NRL: variants seen among roughly 807,000 people sequenced by gnomAD.
NRL encodes the protein neural retina leucine zipper, also known as neural retina-specific leucine zipper protein.
NRL carries 16 observed loss-of-function variants against 12.5 expected under a neutral mutation model. That is an observed-to-expected ratio of 1.28 (90% CI 0.87 to 1.95). NRL has a LOEUF of 1.95. NRL is among the 30% of genes most tolerant of loss of function. The pLI is 0.00. For missense variants in NRL, 314 were observed against 325.8 expected (o/e 0.96, Z 0.28); for synonymous variants, 142 against 150.9 (o/e 0.94, Z 0.43).
In NRL at chr14:24,081,903, C is replaced by G. The variant is rs1185005059; in HGVS notation, c.382-335G>C. On this transcript the variant is annotated intron_variant, in intron 2 of 2. Transcript: ENST00000561028. This position sits in a 1 kb window ranked among gnomAD's most constrained non-coding sequence, Gnocchi z 4.4. ...CAGGCCCGGGTGTGTCCAGTGGACC[C>G]GCACCCAGACAGCCCCCAACCCTCC... 22 of 1,307,146 alleles carry G rather than the reference C, an allele frequency of 1.7e-5. No individual in the cohort carries two copies. The highest frequency in any genetic ancestry group is 3.7e-5 in the East Asian group (1 of 26,732). 81.0% of individuals were successfully genotyped at this position (1,307,146 alleles called of 1,614,324 possible).
In NRL at chr14:24,085,079, A is replaced by G. The variant is rs2138882969; in HGVS notation, c.-27-2204T>C. Among the ~76,000 whole-genome samples the G allele has an allele frequency of 6.6e-6, 1 of 152,108 alleles. No homozygotes were observed. Among genetic ancestry groups the G allele is most frequent in the African/African-American group, 2.4e-5 (1 of 41,456 alleles). On this transcript the variant is annotated intron_variant, in intron 1 of 2. Transcript: ENST00000561028. The surrounding 1 kb of genome is among the most constrained non-coding windows in gnomAD (Gnocchi z 4.1). Reference sequence around the variant, plus strand: ...ACCGGGCCTTTTGGATCTGTTTCCTATTTTCAAGAATCCTCACATTTCTAC... The same window carrying G: ...ACCGGGCCTTTTGGATCTGTTTCCTGTTTTCAAGAATCCTCACATTTCTAC...
chr14:24,107,951 C>A (rs924388240), intron 1 of NRL, among the ~76,000 whole-genome samples: 1 of 152,196 alleles, frequency 6.6e-6, no homozygotes, highest in South Asian at 2.1e-4. Flanking sequence ...TAGTTACACA[C>A]AAACATTATG....
At chr14:24,103,006 C>G (rs771651008) in intron 1 of NRL, 239 of 1,303,750 alleles carry the variant, frequency 1.8e-4, no homozygotes, top group Non-Finnish European at 2.4e-4. Flanking sequence ...CCAGAGTTCT[C>G]CCCTGGTGAA....
chr14:24,088,685 G>T (rs567127122), intron 1 of NRL, among the ~76,000 whole-genome samples: 58 of 146,692 alleles, frequency 4.0e-4, no homozygotes, highest in African/African-American at 1.4e-3. Flanking sequence ...TAGCTCTGTC[G>T]CCCTGGCTGG....
rs1475469407 is a variant in NRL at position 24,079,927 on chromosome 14, TGA to T, written c.*1307_*1308del. On this transcript the variant is annotated 3_prime_UTR_variant, in exon 3 of 3. Coordinates refer to ENST00000561028, the MANE Select transcript of NRL (RefSeq NM_001354768.3). Reference sequence around the variant, plus strand: ...CTTCTGAGTTTGGTGGTGGTGGTGGTGAGAGGGGGAGGATCCATCTGTTCCAA... The same window carrying T: ...CTTCTGAGTTTGGTGGTGGTGGTGGTGAGGGGGAGGATCCATCTGTTCCAA... Among the ~76,000 whole-genome samples the T allele has an allele frequency of 6.6e-6, 1 of 151,908 alleles. No homozygotes were observed. The highest frequency in any genetic ancestry group is 1.5e-5 in the Non-Finnish European group (1 of 67,976).
In NRL at chr14:24,081,993, T is replaced by A. The variant is rs1011260396; in HGVS notation, c.382-425A>T. 4 of 1,208,488 alleles carry A rather than the reference T, an allele frequency of 3.3e-6. No individual in the cohort carries two copies. In the African/African-American group the frequency reaches 6.4e-5, roughly 19 times the overall value. 74.9% of individuals were successfully genotyped at this position (1,208,488 alleles called of 1,614,324 possible). A position where few individuals can be genotyped will look rare whatever the true frequency, so the allele number is the denominator to read the frequency against. On this transcript the variant is annotated intron_variant, in intron 2 of 2. Coordinates refer to ENST00000561028, the MANE Select transcript of NRL (RefSeq NM_001354768.3). The surrounding 1 kb of genome is among the most constrained non-coding windows in gnomAD (Gnocchi z 4.4). ...TGACCCTCACAGGATTTGGATTACA[T>A]CCTAATGCCCGCAACACCCCCATCT...
chr14:24,081,077 A>T lies in NRL; in HGVS notation c.*159T>A. 1 of 445,502 alleles carries T rather than the reference A, an allele frequency of 2.2e-6. No individual in the cohort carries two copies. The highest frequency in any genetic ancestry group is 3.7e-6 in the Non-Finnish European group (1 of 267,200). 27.6% of individuals were successfully genotyped at this position (445,502 alleles called of 1,614,324 possible). On this transcript the variant is annotated 3_prime_UTR_variant, in exon 3 of 3. Coordinates refer to ENST00000561028, the MANE Select transcript of NRL (RefSeq NM_001354768.3). This position sits in a 1 kb window ranked among gnomAD's most constrained non-coding sequence, Gnocchi z 4.4. ...TGACCAGCATCTAAATTCGGGCATG[A>T]CTTGAGGACCCAAAAGCTTTGGGGA...
At chr14:24,090,290 G>T (rs1220289017) in intron 1 of NRL, among the ~76,000 whole-genome samples, 2 of 131,298 alleles carry the variant, frequency 1.5e-5, no homozygotes, top group Admixed American at 7.6e-5. Context: ...GGCACGGGGG[G>T]GGACTTTCAA....
intron 1 of NRL, among the ~76,000 whole-genome samples, chr14:24,106,678 A>G (rs1175618713): frequency 1.3e-5 from 2 of 151,770 alleles, no homozygotes; most frequent in Admixed American, 1.3e-4. Context: ...CTGAGATCAC[A>G]CCACTGCACT....
intron 2 of NRL, chr14:24,082,031 AAT>A: frequency 8.3e-7 from 1 of 1,199,294 alleles, no homozygotes; most frequent in Non-Finnish European, 1.0e-6. Context: ...GTCTGTAATT[AAT>A]AGGATGAGTC....
At chr14:24,093,535 CGA>C (rs964365189) in intron 1 of NRL, 12 of 152,304 alleles carry the variant, frequency 7.9e-5, no homozygotes, top group African/African-American at 2.6e-4. Flanking sequence ...AAAAATCAGC[CGA>C]GTGTGGTGGC....
intron 1 of NRL, among the ~76,000 whole-genome samples, chr14:24,090,378 G>A (rs1384581461): frequency 1.3e-5 from 2 of 151,924 alleles, no homozygotes; most frequent in African/African-American, 4.8e-5. Flanking sequence ...AAAGAGCTCT[G>A]GGGCTGGGAT....
chr14:24,095,156 G>A (rs1429017274), intron 1 of NRL: 1 of 456,112 alleles, frequency 2.2e-6, no homozygotes. Context: ...TTGTCCCAGA[G>A]TCGGAAGTGA....
intron 1 of NRL, chr14:24,104,211 C>G (rs942568595): frequency 1.9e-6 from 1 of 517,092 alleles, no homozygotes; most frequent in African/African-American, 1.9e-5. Context: ...CTTCCAGCCC[C>G]TAGAAGAAGC....
rs925018283 is a variant in NRL, at chr14:24,094,017, G to C, written c.-27-11142C>G. 6.4e-5 allele frequency: 33 copies of C among 517,462 alleles called. No individual in the cohort carries two copies. The African/African-American group carries it at 6.7e-4, about 10-fold the overall frequency. 32.1% of individuals were successfully genotyped at this position (517,462 alleles called of 1,614,324 possible). ...TGTTTGCCACCTAGTGTCTCTCCCG[G>C]GAGCAAGAGTCCTCAAAGTTACATC... On this transcript the variant is annotated intron_variant, in intron 1 of 2. Coordinates refer to ENST00000561028, the MANE Select transcript of NRL (RefSeq NM_001354768.3). This position sits in a 1 kb window ranked among gnomAD's most constrained non-coding sequence, Gnocchi z 4.1.
intron 1 of NRL, 93 bp downstream of exon 1, chr14:24,114,629 T>C: frequency 1.0e-6 from 1 of 965,076 alleles, no homozygotes; most frequent in Non-Finnish European, 1.2e-6. Flanking sequence ...AAGCTGGCAG[T>C]TCCCACTTAC....
rs899407240 is a variant in NRL at position 24,082,830 on chromosome 14, G to C, written c.19C>G (p.Pro7Ala). Reference protein sequence around the residue: MALPPSPLAMEYVNDFD... With the variant: MALPPSALAMEYVNDFD... The stretch of plus-strand genomic sequence containing the variant: ...TCATTGACATATTCCATGGCCAGGG[G>C]GCTGGGGGGCAGGGCCATTCTGGAG... Residue 7 changes from proline (P) to alanine (A), a missense_variant, in exon 2 of 3, where the codon CCC becomes GCC. Physicochemically the swap from Pro to Ala is conservative, Grantham distance 27 (BLOSUM62 -1). Coordinates refer to ENST00000561028, the MANE Select transcript of NRL (RefSeq NM_001354768.3). 1.9e-6 allele frequency: 3 copies of C among 1,613,146 alleles called. No homozygotes were observed. Among genetic ancestry groups the C allele is most frequent in the African/African-American group, 2.7e-5 (2 of 74,932 alleles).
chr14:24,113,990 G>A (rs1009989626), intron 1 of NRL, among the ~76,000 whole-genome samples: 5 of 152,336 alleles, frequency 3.3e-5, no homozygotes, highest in Admixed American at 2.6e-4. Context: ...CAGAGATGTG[G>A]CAACTCCCGG....
intron 1 of NRL, among the ~76,000 whole-genome samples, chr14:24,083,620 A>G (rs980450648): frequency 1.3e-5 from 2 of 152,192 alleles, no homozygotes; most frequent in African/African-American, 4.8e-5. Flanking sequence ...TTGGCAGATC[A>G]CCTTCACCCT....
Sources: allele counts gnomAD v4.1 joint callset (sites outside exome capture counted in the v4.1 genomes callset), GRCh38; gene constraint gnomAD v4.1.1; non-coding constraint Gnocchi (gnomAD v3.1); transcripts MANE v1.5; gene names NCBI Gene and HGNC (gene_info 2026-07-23, HGNC 2026-07-21).